Variants in XIRP2 observed in about 807,000 individuals in gnomAD.
XIRP2 encodes xin actin-binding repeat-containing protein 2.
Under a neutral mutation model 277.0 loss-of-function variants are expected in XIRP2, and 236 were observed. The ratio of observed to expected loss-of-function variants is 0.85; its 90% CI spans 0.77 to 0.95. The LOEUF is 0.95. Among genes scored for constraint, XIRP2 ranks in the 40% least tolerant of loss-of-function variants. The probability of loss-of-function intolerance (pLI) is 0.00; values close to 1 mark genes in which losing one functional copy is unlikely to be tolerated. For missense variants in XIRP2, 4,640 were observed against 4,157.5 expected, an observed-to-expected ratio of 1.12 and a Z score of -3.19; for synonymous variants, 1,490 against 1,416.5, an observed-to-expected ratio of 1.05 and a Z score of -1.17.
intron 2 of XIRP2, among the ~76,000 whole-genome samples, chr2:166,962,327 T>A (rs944428461): frequency 6.6e-6 from 1 of 151,788 alleles, no homozygotes; most frequent in African/African-American, 2.4e-5. Context: ...TAGGAAACTG[T>A]ATAAGCAGAA....
chr2:167,082,553 G>C (rs1056380793), intron 2 of XIRP2, among the ~76,000 whole-genome samples: 1 of 152,106 alleles, frequency 6.6e-6, no homozygotes, highest in Admixed American at 6.5e-5. Flanking sequence ...CTAGTTTACA[G>C]TCCCACCAAC....
intron 2 of XIRP2, among the ~76,000 whole-genome samples, chr2:166,967,499 A>G (rs1218498045): frequency 6.6e-6 from 1 of 151,944 alleles, no homozygotes; most frequent in African/African-American, 2.4e-5. Context: ...CTGGAGAAGT[A>G]CTGGAGCAAT....
intron 2 of XIRP2, among the ~76,000 whole-genome samples, chr2:167,037,202 C>A (rs147373458): frequency 6.6e-6 from 1 of 152,144 alleles, no homozygotes; most frequent in African/African-American, 2.4e-5. Flanking sequence ...ATAGACCAAA[C>A]GCAGCTTATA....
At chr2:167,165,506 T>C (rs1559004012) in intron 3 of XIRP2, among the ~76,000 whole-genome samples, 1 of 152,314 alleles carries the variant, frequency 6.6e-6, no homozygotes, top group East Asian at 1.9e-4. Context: ...CCACCAGAAT[T>C]TGATGTTGTC....
intron 2 of XIRP2, among the ~76,000 whole-genome samples, chr2:166,969,416 G>T (rs530575694): frequency 6.6e-6 from 1 of 152,020 alleles, no homozygotes; most frequent in South Asian, 2.1e-4. Flanking sequence ...TATAAGAGCT[G>T]CAGCCTTTAA....
chr2:167,248,723 T>A lies in XIRP2; in HGVS notation c.7331T>A (p.Val2444Asp). 1 of 1,613,702 alleles carries A rather than the reference T, an allele frequency of 6.2e-7. No homozygotes were observed. The highest frequency in any genetic ancestry group is 2.2e-5 in the East Asian group (1 of 44,846). The change falls in exon 9 of 11, where the codon GTT becomes GAT. Residue 2444 changes from valine to aspartate, a missense_variant. Coordinates refer to ENST00000409195, the MANE Select transcript of XIRP2 (RefSeq NM_152381.6). ...AATAAGAACGATTTTTCCCCCAAAG[T>A]TGAACTGGCAACCTCCCTGTCAGAT... ...KDNKNDFSPK[V>D]ELATSLSDME...
chr2:167,155,973 A>T (rs1239119782), intron 3 of XIRP2, among the ~76,000 whole-genome samples: 4 of 150,242 alleles, frequency 2.7e-5, no homozygotes, highest in African/African-American at 9.9e-5. Context: ...AGAGAGCCAA[A>T]TCATGAGTGC....
intron 3 of XIRP2, among the ~76,000 whole-genome samples, chr2:167,196,019 T>C (rs146566075): frequency 6.4e-4 from 98 of 152,286 alleles, no homozygotes; most frequent in African/African-American, 2.3e-3. Context: ...TGTGCTACTT[T>C]TGCTCCCATT....
At chr2:167,029,090 C>G (rs1447945012) in intron 2 of XIRP2, among the ~76,000 whole-genome samples, 1 of 151,920 alleles carries the variant, frequency 6.6e-6, no homozygotes, top group African/African-American at 2.4e-5. Context: ...CTCAAAAGGG[C>G]AAACCTATGA....
intron 2 of XIRP2, among the ~76,000 whole-genome samples, chr2:167,027,987 A>G (rs1228814156): frequency 1.3e-5 from 2 of 152,062 alleles, no homozygotes; most frequent in Non-Finnish European, 2.9e-5. Context: ...TGCAGGAGGA[A>G]AACAAATGGA....
At chr2:166,996,073 G>T (rs902224964) in intron 2 of XIRP2, among the ~76,000 whole-genome samples, 4 of 152,172 alleles carry the variant, frequency 2.6e-5, no homozygotes, top group African/African-American at 4.8e-5. Context: ...ACTACTTAAT[G>T]TCTCAGGATC....
At chr2:167,252,003 A>G (rs749808846) in intron 9 of XIRP2, 56 bp downstream of exon 9, 13 of 1,509,010 alleles carry the variant, frequency 8.6e-6, no homozygotes, top group South Asian at 4.1e-5. Context: ...CATGTGTTCC[A>G]TAGCCAAAAT....
intron 2 of XIRP2, among the ~76,000 whole-genome samples, chr2:167,046,293 C>T (rs1325611773): frequency 2.0e-5 from 3 of 151,194 alleles, no homozygotes; most frequent in Non-Finnish European, 3.0e-5. Context: ...TTCAACAGGC[C>T]CCAGTTCTCA....
chr2:167,177,877 G>A (rs1692893517), intron 3 of XIRP2, among the ~76,000 whole-genome samples: 1 of 152,042 alleles, frequency 6.6e-6, no homozygotes, highest in Admixed American at 6.5e-5. Context: ...ATTATTGATT[G>A]CATCGTTTTT....
intron 2 of XIRP2, among the ~76,000 whole-genome samples, chr2:167,026,164 G>C (rs1430553692): frequency 6.6e-6 from 1 of 152,270 alleles, no homozygotes; most frequent in South Asian, 2.1e-4. Context: ...ATATATTTAG[G>C]ATAGTTAGCT....
chr2:167,188,843 A>T (rs1011696271), intron 3 of XIRP2, among the ~76,000 whole-genome samples: 1 of 152,198 alleles, frequency 6.6e-6, no homozygotes, highest in Admixed American at 6.5e-5. Flanking sequence ...GGTGTTGGGC[A>T]TCTTTAAGAT....
At chr2:167,211,012 C>A in intron 4 of XIRP2, 117 bp downstream of exon 4, 1 of 1,253,114 alleles carries the variant, frequency 8.0e-7, no homozygotes, top group Non-Finnish European at 1.1e-6. Flanking sequence ...AGAAAGAGCA[C>A]AAAAATAGTG....
chr2:166,973,034 C>A (rs757675115), intron 2 of XIRP2, among the ~76,000 whole-genome samples: 1 of 152,070 alleles, frequency 6.6e-6, no homozygotes, highest in Non-Finnish European at 1.5e-5. Flanking sequence ...CTTACATTTT[C>A]TAGCAAATTA....
intron 3 of XIRP2, among the ~76,000 whole-genome samples, chr2:167,206,706 G>A (rs1230938279): frequency 1.3e-5 from 2 of 152,138 alleles, no homozygotes; most frequent in East Asian, 3.8e-4. Flanking sequence ...TTTAAGCAAT[G>A]TTTAAGCCAC....
Sources: allele counts gnomAD v4.1 joint callset (sites outside exome capture counted in the v4.1 genomes callset), GRCh38; gene constraint gnomAD v4.1.1; transcripts MANE v1.5; gene names NCBI Gene and HGNC (gene_info 2026-07-23, HGNC 2026-07-21).